Variants in PDE6A observed in about 807,000 individuals in gnomAD.
The protein encoded by PDE6A is phosphodiesterase 6A, also known as rod cGMP-specific 3',5'-cyclic phosphodiesterase subunit alpha.
PDE6A carries 84 observed loss-of-function variants against 106.3 expected under a neutral mutation model. The observed-to-expected ratio is 0.79, with a 90% CI of 0.66 to 0.95. PDE6A has a LOEUF of 0.95. PDE6A is among the 40% of genes least tolerant of loss of function. The pLI is 0.00. For synonymous variants in PDE6A, 394 were observed against 386.6 expected (o/e 1.02, Z -0.23); for missense variants, 1,052 against 1,084.9 (o/e 0.97, Z 0.43).
At chr5:149,867,126 C>A in intron 19 of PDE6A, 1 of 176,372 alleles carries the variant, frequency 5.7e-6, no homozygotes, top group South Asian at 1.4e-4. Context: ...ACGGTTTGTC[C>A]CCACAATGTC....
At chr5:149,923,121 T>A (rs1753767659) in intron 4 of PDE6A, among the ~76,000 whole-genome samples, 1 of 152,248 alleles carries the variant, frequency 6.6e-6, no homozygotes, top group Admixed American at 6.5e-5. Context: ...AGCAGAGCTC[T>A]TTGAACCTCT....
At chr5:149,883,070 A>G (rs1438101163) in intron 17 of PDE6A, among the ~76,000 whole-genome samples, 1 of 152,184 alleles carries the variant, frequency 6.6e-6, no homozygotes, top group Non-Finnish European at 1.5e-5. Flanking sequence ...AACAAAAAAC[A>G]AAACAAAACA....
chr5:149,903,676 G>A lies in PDE6A; in HGVS notation c.1085C>T (p.Ala362Val), dbSNP rs750994483. ...QNGLICNIMNAPAEDFFAFQK... is the reference protein window; with the variant it reads ...QNGLICNIMNVPAEDFFAFQK... ...AAATGCAAAAAAGTCCTCCGCAGGC[G>A]CATTCATGATGTTGCAAATCTGAGA... Residue 362 changes from alanine to valine, a missense_variant, in exon 8 of 22, where the codon GCG (alanine) becomes GTG (valine). By Grantham distance (64) the Ala-to-Val change is moderately conservative. Coordinates refer to ENST00000255266, the MANE Select transcript of PDE6A (RefSeq NM_000440.3). The A allele has an allele frequency of 1.8e-5, 29 of 1,613,506 alleles. No individual in the cohort carries two copies. The highest frequency in any genetic ancestry group is 3.3e-4 in the Middle Eastern group (2 of 6,084).
At chr5:149,898,250 C>A in intron 10 of PDE6A, 113 bp downstream of exon 10, 3 of 921,206 alleles carry the variant, frequency 3.3e-6, no homozygotes, top group Non-Finnish European at 3.5e-6. Flanking sequence ...CAACAGTGCA[C>A]AAACCCATGC....
intron 13 of PDE6A, among the ~76,000 whole-genome samples, chr5:149,894,587 C>T (rs1319601108): frequency 6.6e-6 from 1 of 151,654 alleles, no homozygotes; most frequent in African/African-American, 2.4e-5. Context: ...TGTCATTATG[C>T]CCCCAAGCAA....
chr5:149,943,494 A>AT (rs1301691536), intron 1 of PDE6A, among the ~76,000 whole-genome samples: 1 of 152,034 alleles, frequency 6.6e-6, no homozygotes, highest in Non-Finnish European at 1.5e-5. Context: ...TAATTTTAAA[A>AT]TTTTTTGTAG....
rs550760075 is a variant in PDE6A, at chr5:149,863,461, C to T, written c.2359-195G>A. ...TCACCTGCTTAGAAGCCTCCTGTGG[C>T]GCCCCTGTCCTTCAGCATGAAGTGA... On this transcript the variant is annotated intron_variant, in intron 20 of 21. Coordinates refer to ENST00000255266, the MANE Select transcript of PDE6A (RefSeq NM_000440.3). The surrounding 1 kb of genome is among the most constrained non-coding windows in gnomAD (Gnocchi z 4.7). Among the ~76,000 whole-genome samples, 17 of 152,164 alleles carry T rather than the reference C, an allele frequency of 1.1e-4. No homozygotes were observed. The highest frequency in any genetic ancestry group is 1.1e-3 in the Admixed American group (17 of 15,280).
rs369896113 is a variant in PDE6A at position 149,899,374 on chromosome 5, C to T, written c.1263+1G>A. ...GCAAAAGGCCTCCTAGCAAGCCATA[C>T]CTCCATGAGCGTCTCATCCATTTCA... On this transcript the variant is annotated splice_donor_variant, in intron 9 of 21. Transcript: ENST00000255266. LOFTEE classifies it high-confidence loss of function. 2.5e-6 allele frequency: 4 copies of T among 1,614,032 alleles called. No homozygotes were observed. Among genetic ancestry groups the T allele is most frequent in the Non-Finnish European group, 3.4e-6 (4 of 1,180,010 alleles).
intron 6 of PDE6A, among the ~76,000 whole-genome samples, chr5:149,912,856 G>A (rs141466666): frequency 6.3e-4 from 96 of 152,254 alleles, no homozygotes; most frequent in African/African-American, 2.3e-3. Flanking sequence ...AGAAACATAG[G>A]TTAGGGACTG....
At chr5:149,902,996 T>C in intron 8 of PDE6A, among the ~76,000 whole-genome samples, 1 of 151,136 alleles carries the variant, frequency 6.6e-6, no homozygotes, top group Middle Eastern at 3.2e-3. Flanking sequence ...GCAAAGGTGC[T>C]GAGGCCAGTC....
chr5:149,920,942 A>AAAAGAAAGGAAGAAAG (rs1753688166), intron 5 of PDE6A, among the ~76,000 whole-genome samples: 1 of 108,282 alleles, frequency 9.2e-6, no homozygotes, highest in Non-Finnish European at 1.8e-5. Flanking sequence ...GAAAGAGAGA[A>AAAAGAAAGGAAGAAAG]AAAGAAAGAA....
In PDE6A at chr5:149,929,472, T is replaced by C. The variant is rs926849047; in HGVS notation, c.858+1556A>G. Among the ~76,000 whole-genome samples, 7 of 151,886 alleles carry C rather than the reference T, an allele frequency of 4.6e-5. 1 individual carries two copies. ...ATACAAAAAAATTAGCCAGGCATGGTGGTGGGCGCCTGTAGTCCCAGCTAC... is the reference window on the plus strand; with the variant it reads ...ATACAAAAAAATTAGCCAGGCATGGCGGTGGGCGCCTGTAGTCCCAGCTAC... On this transcript the variant is annotated intron_variant, in intron 4 of 21. Transcript: ENST00000255266.
chr5:149,934,780 C>A, intron 1 of PDE6A, 62 bp from the exon 2 acceptor site: 1 of 1,548,944 alleles, frequency 6.5e-7, no homozygotes, highest in Non-Finnish European at 8.9e-7. Flanking sequence ...TGGAACGGCC[C>A]AAAGCCCCTG....
intron 4 of PDE6A, among the ~76,000 whole-genome samples, chr5:149,923,505 TAACATAACATAACATAACATAACATA>T (rs1200301758): frequency 5.4e-3 from 16 of 2,950 alleles, no homozygotes; most frequent in Non-Finnish European, 6.7e-3. Context: ...CTCAAATAAA[TAACATAACATAACATAACATAACATA>T]ACATAACATA....
chr5:149,882,106 G>A (rs1404114759), intron 17 of PDE6A, among the ~76,000 whole-genome samples: 1 of 148,100 alleles, frequency 6.8e-6, no homozygotes, highest in South Asian at 2.2e-4. Context: ...TGTCCAGGGG[G>A]GCAGCTCCTG....
chr5:149,880,445 T>G (rs143282497), intron 17 of PDE6A, among the ~76,000 whole-genome samples: 18 of 152,264 alleles, frequency 1.2e-4, no homozygotes, highest in African/African-American at 3.9e-4. Context: ...GGGTGGTGGC[T>G]CACACCTGTA....
chr5:149,932,810 A>G (rs766451456), intron 3 of PDE6A: 1 of 752,064 alleles, frequency 1.3e-6, no homozygotes. Context: ...ATTGAGAGAC[A>G]CTTTTGTCCC....
At chr5:149,900,907 T>C (rs1455260261) in intron 8 of PDE6A, among the ~76,000 whole-genome samples, 2 of 152,082 alleles carry the variant, frequency 1.3e-5, no homozygotes, top group African/African-American at 4.8e-5. Flanking sequence ...AAATCATTGA[T>C]TCAACCTATG....
At position 149,896,403 on chromosome 5, in the gene PDE6A, T is replaced by C; in HGVS notation, c.1573A>G (p.Met525Val). The C allele has an allele frequency of 6.2e-7, 1 of 1,614,108 alleles. No homozygotes were observed. The highest frequency in any genetic ancestry group is 8.5e-7 in the Non-Finnish European group (1 of 1,179,926). The change falls in exon 12 of 22, where the codon ATG becomes GTG. Residue 525 changes from methionine (M) to valine (V), a missense_variant. Physicochemically the swap from Met to Val is conservative, Grantham distance 21. Coordinates refer to ENST00000255266, the MANE Select transcript of PDE6A (RefSeq NM_000440.3). Reference sequence around the variant, plus strand: ...TCCACCACTTTGAGCTCATAATACATCTGTATTCCACATTTTACCAGCTCC... The same window carrying C: ...TCCACCACTTTGAGCTCATAATACACCTGTATTCCACATTTTACCAGCTCC... Reference protein sequence around the residue: ...ELELVKCGIQMYYELKVVDKF... With the variant: ...ELELVKCGIQVYYELKVVDKF...
Sources: allele counts gnomAD v4.1 joint callset (sites outside exome capture counted in the v4.1 genomes callset), GRCh38; gene constraint gnomAD v4.1.1; non-coding constraint Gnocchi (gnomAD v3.1); transcripts MANE v1.5; gene names NCBI Gene and HGNC (gene_info 2026-07-23, HGNC 2026-07-21).